ADCY8: variants seen among roughly 807,000 people sequenced by gnomAD.
ADCY8 encodes the protein adenylate cyclase type 8.
In ADCY8, 51 loss-of-function variants were observed where a neutral mutation model predicts 119.7. The ratio of observed to expected loss-of-function variants is 0.43; its 90% CI spans 0.34 to 0.54. The LOEUF (loss-of-function observed/expected upper bound fraction) is 0.54, where lower values mean the gene tolerates loss of function less well. Ranked by LOEUF, ADCY8 falls within the 20% of genes least tolerant of loss-of-function variation. The pLI is 0.03. For missense variants in ADCY8, 1,383 were observed against 1,598.8 expected, an observed-to-expected ratio of 0.87 and a Z score of 2.30; for synonymous variants, 665 against 651.0, an observed-to-expected ratio of 1.02 and a Z score of -0.33.
chr8:130,889,380 T>C (rs1819103749), intron 7 of ADCY8, among the ~76,000 whole-genome samples: 1 of 152,152 alleles, frequency 6.6e-6, no homozygotes, highest in Non-Finnish European at 1.5e-5. Context: ...CTCAATACAC[T>C]TTATTGAGAT....
intron 2 of ADCY8, among the ~76,000 whole-genome samples, chr8:130,963,658 C>A (rs765967141): frequency 2.6e-5 from 4 of 152,108 alleles, no homozygotes; most frequent in Non-Finnish European, 5.9e-5. Flanking sequence ...AGAGGTCCAG[C>A]AGTAGTTTGA....
At chr8:130,954,172 T>G (rs1821355747) in intron 2 of ADCY8, among the ~76,000 whole-genome samples, 1 of 152,240 alleles carries the variant, frequency 6.6e-6, no homozygotes, top group Non-Finnish European at 1.5e-5. Context: ...CAAATCATCC[T>G]TACACTAGTG....
chr8:131,018,231 G>A (rs1482426489), intron 1 of ADCY8, among the ~76,000 whole-genome samples: 2 of 152,174 alleles, frequency 1.3e-5, no homozygotes, highest in Admixed American at 6.5e-5. Context: ...AGAAAGAGAG[G>A]TAGTTCTTTC....
chr8:130,900,826 A>G (rs1563720465), intron 7 of ADCY8, among the ~76,000 whole-genome samples: 2 of 152,138 alleles, frequency 1.3e-5, no homozygotes, highest in Non-Finnish European at 2.9e-5. Flanking sequence ...ATGAATACCA[A>G]ATTCACATCC....
chr8:130,967,786 C>T (rs1229464839), intron 2 of ADCY8, among the ~76,000 whole-genome samples: 1 of 152,052 alleles, frequency 6.6e-6, no homozygotes, highest in African/African-American at 2.4e-5. Flanking sequence ...AAACTGGGAA[C>T]TTTGGGACAA....
intron 15 of ADCY8, among the ~76,000 whole-genome samples, chr8:130,800,077 G>A (rs1815723374): frequency 1.3e-5 from 2 of 152,144 alleles, no homozygotes; most frequent in Non-Finnish European, 2.9e-5. Context: ...ATGGAGCAAT[G>A]CCTGCTTCAG....
intron 1 of ADCY8, among the ~76,000 whole-genome samples, chr8:130,997,056 T>C (rs1365673061): frequency 6.6e-6 from 1 of 152,084 alleles, no homozygotes; most frequent in Non-Finnish European, 1.5e-5. Context: ...GTAAGAGAAA[T>C]GGCTGAATAA....
chr8:130,951,365 G>T (rs545408594), intron 3 of ADCY8, among the ~76,000 whole-genome samples: 1 of 152,186 alleles, frequency 6.6e-6, no homozygotes, highest in African/African-American at 2.4e-5. Context: ...TGCATGGATG[G>T]GGGAGTAAGT....
At chr8:130,894,161 T>G (rs1275534730) in intron 7 of ADCY8, among the ~76,000 whole-genome samples, 1 of 152,116 alleles carries the variant, frequency 6.6e-6, no homozygotes, top group Non-Finnish European at 1.5e-5. Flanking sequence ...GAGCAACAAA[T>G]TACTGACCTT....
At chr8:130,969,523 T>C (rs1170153078) in intron 2 of ADCY8, among the ~76,000 whole-genome samples, 1 of 152,242 alleles carries the variant, frequency 6.6e-6, no homozygotes, top group Non-Finnish European at 1.5e-5. Flanking sequence ...TTGTTATTAT[T>C]AACTACACTT....
intron 8 of ADCY8, among the ~76,000 whole-genome samples, chr8:130,874,505 G>A (rs1312191334): frequency 7.3e-6 from 1 of 137,004 alleles, no homozygotes; most frequent in Non-Finnish European, 1.5e-5. Flanking sequence ...ACAGGTGAGT[G>A]TGCAGAATGT....
At chr8:130,910,052 G>C (rs1226212497) in intron 5 of ADCY8, among the ~76,000 whole-genome samples, 186 bp from the exon 6 acceptor site, 1 of 151,530 alleles carries the variant, frequency 6.6e-6, no homozygotes, top group East Asian at 1.9e-4. Context: ...AGCCTTGATG[G>C]TCTCGATCTC....
At chr8:130,889,656 A>C (rs549215409) in intron 7 of ADCY8, among the ~76,000 whole-genome samples, 1 of 152,298 alleles carries the variant, frequency 6.6e-6, no homozygotes, top group East Asian at 1.9e-4. Flanking sequence ...AGGCACATGA[A>C]ATGTATTTCC....
intron 11 of ADCY8, among the ~76,000 whole-genome samples, chr8:130,844,894 A>G (rs1817250742): frequency 6.6e-6 from 1 of 152,222 alleles, no homozygotes; most frequent in Non-Finnish European, 1.5e-5. Context: ...GTATCATAAC[A>G]TACACGGGTA....
In ADCY8 at chr8:130,809,200, G is replaced by A. The variant is rs1280158114; in HGVS notation, c.2913+4869C>T. Among the ~76,000 whole-genome samples, 25 of 152,190 alleles carry A rather than the reference G, an allele frequency of 1.6e-4. 1 individual carries two copies. Among genetic ancestry groups the A allele is most frequent in the Admixed American group, 1.6e-3 (25 of 15,282 alleles). On this transcript the variant is annotated intron_variant, in intron 14 of 17. Transcript: ENST00000286355. The stretch of plus-strand genomic sequence containing the variant: ...TTTCCCTTCTCTGCATGTACTTACA[G>A]TGAGGTGGAGGGGAAAGAACACTGG...
chr8:130,925,560 C>T (rs1457207077), intron 5 of ADCY8, among the ~76,000 whole-genome samples: 1 of 152,028 alleles, frequency 6.6e-6, no homozygotes, highest in African/African-American at 2.4e-5. Context: ...CTGTCAAGGG[C>T]CCCCCAACCC....
At chr8:130,979,032 G>A (rs539230889) in intron 2 of ADCY8, among the ~76,000 whole-genome samples, 2 of 152,308 alleles carry the variant, frequency 1.3e-5, no homozygotes, top group African/African-American at 4.8e-5. Context: ...GGTTGGGGCG[G>A]AAGACAGTCT....
chr8:130,949,763 G>A (rs1821217021), intron 3 of ADCY8: 1 of 152,026 alleles, frequency 6.6e-6, no homozygotes, highest in Non-Finnish European at 1.5e-5. Flanking sequence ...TGGCATTTGT[G>A]GCCTGCTTAA....
intron 9 of ADCY8, among the ~76,000 whole-genome samples, chr8:130,865,105 C>T (rs189798031): frequency 1.8e-4 from 28 of 152,230 alleles, no homozygotes; most frequent in Admixed American, 8.5e-4. Context: ...TACTCTTCCT[C>T]AGAAAGAATC....
Sources: gnomAD v4.1 joint callset for allele counts (sites outside exome capture counted in the v4.1 genomes callset) on GRCh38, gnomAD v4.1.1 for gene constraint, MANE v1.5 for transcripts, NCBI Gene and HGNC (gene_info 2026-07-23, HGNC 2026-07-21) for gene names.